ALK: variants seen among roughly 807,000 people sequenced by gnomAD.
The protein encoded by ALK is ALK receptor tyrosine kinase, also known as ALK tyrosine kinase receptor.
Under a neutral mutation model 163.1 loss-of-function variants are expected in ALK, and 74 were observed. The observed-to-expected ratio is 0.45, with a 90% CI of 0.38 to 0.55. The LOEUF (loss-of-function observed/expected upper bound fraction) is 0.55, where lower values mean the gene tolerates loss of function less well. ALK is among the 20% of genes least tolerant of loss of function. The pLI is 0.00. For synonymous variants in ALK, 960 were observed against 843.2 expected, an observed-to-expected ratio of 1.14 and a Z score of -2.40; for missense variants, 2,063 against 2,105.3, an observed-to-expected ratio of 0.98 and a Z score of 0.39.
In ALK at chr2:29,228,917, A is replaced by ACCCCCCACCCCC; in HGVS notation, c.2781_2782insGGGGGTGGGGGG (p.Gly924_Gly927dup). The ACCCCCCACCCCC allele has an allele frequency of 7.3e-7, 1 of 1,374,998 alleles. No homozygotes were observed. Among genetic ancestry groups the ACCCCCCACCCCC allele is most frequent in the Non-Finnish European group, 1.0e-6 (1 of 975,734 alleles). 85.2% of individuals were successfully genotyped at this position (1,374,998 alleles called of 1,614,324 possible). On this transcript the variant is annotated inframe_insertion, in exon 16 of 29. Coordinates refer to ENST00000389048, the MANE Select transcript of ALK (RefSeq NM_004304.5). Reference sequence around the variant, plus strand: ...CCTCCGCCTCCTCCACCTGAGGAGCACCCCCCTCCACCCCCTCCGAAACCC... The same window carrying ACCCCCCACCCCC: ...CCTCCGCCTCCTCCACCTGAGGAGCACCCCCCACCCCCCCCCCCTCCACCCCCTCCGAAACCC...
chr2:29,674,169 C>T (rs1278364004), intron 3 of ALK, among the ~76,000 whole-genome samples: 6 of 151,768 alleles, frequency 4.0e-5, no homozygotes, highest in African/African-American at 1.5e-4. Context: ...CCTTTATTTC[C>T]TTCACCTGCC....
intron 1 of ALK, among the ~76,000 whole-genome samples, chr2:29,885,466 T>C (rs958172736): frequency 5.3e-5 from 8 of 151,902 alleles, no homozygotes; most frequent in African/African-American, 1.9e-4. Flanking sequence ...CCCAAAACAA[T>C]CAATTCCTGC....
At chr2:29,434,382 C>T (rs763786000) in intron 4 of ALK, among the ~76,000 whole-genome samples, 8 of 152,168 alleles carry the variant, frequency 5.3e-5, no homozygotes, top group Non-Finnish European at 2.9e-5. Flanking sequence ...CACTCCCACG[C>T]CTGCTTTGTC....
Position 29,297,096 on chromosome 2 carries a change from G to T in ALK, c.1648-39C>A, listed in dbSNP as rs370588729. ...AAGAGTCAGAGGACAAGGTATGATT[G>T]CTGAAAGGTCCCCTTTCTGGAATTC... On this transcript the variant is annotated intron_variant, in intron 8 of 28. Transcript: ENST00000389048. 3 of 1,613,054 alleles carry T rather than the reference G, an allele frequency of 1.9e-6. No individual in the cohort carries two copies. In the African/African-American group the frequency reaches 4.0e-5, roughly 22 times the overall value.
intron 13 of ALK, among the ~76,000 whole-genome samples, chr2:29,235,472 T>C (rs1664349171): frequency 6.6e-6 from 1 of 152,012 alleles, no homozygotes; most frequent in South Asian, 2.1e-4. Flanking sequence ...GTGGATCTAG[T>C]GTGGGTGGAA....
At chr2:29,583,553 T>C (rs571175255) in intron 3 of ALK, among the ~76,000 whole-genome samples, 9 of 151,960 alleles carry the variant, frequency 5.9e-5, no homozygotes, top group Non-Finnish European at 1.2e-4. Flanking sequence ...TCTCAGTTTC[T>C]GGACTTTTAA....
chr2:29,207,078 C>T (rs2148151659), intron 26 of ALK, 93 bp downstream of exon 26: 1 of 959,372 alleles, frequency 1.0e-6, no homozygotes, highest in Non-Finnish European at 1.7e-6. Context: ...TCCCTACTAA[C>T]ACACGGGCTC....
At chr2:29,487,398 C>T (rs1192332082) in intron 4 of ALK, among the ~76,000 whole-genome samples, 2 of 152,140 alleles carry the variant, frequency 1.3e-5, no homozygotes, top group Non-Finnish European at 2.9e-5. Context: ...TCACTCTAGA[C>T]AATAAGGAGA....
chr2:29,831,960 T>C (rs1398241958), intron 1 of ALK, among the ~76,000 whole-genome samples: 2 of 152,206 alleles, frequency 1.3e-5, no homozygotes, highest in Non-Finnish European at 2.9e-5. Context: ...GTTCTCCAAC[T>C]GGGTATGGTC....
chr2:29,197,448 C>G, intron 27 of ALK, 94 bp downstream of exon 27: 3 of 1,574,484 alleles, frequency 1.9e-6, no homozygotes, highest in Non-Finnish European at 2.6e-6. Flanking sequence ...AGCCATCTGC[C>G]CCTTCATCTT....
At chr2:29,612,075 G>A (rs1188457293) in intron 3 of ALK, among the ~76,000 whole-genome samples, 1 of 152,172 alleles carries the variant, frequency 6.6e-6, no homozygotes, top group African/African-American at 2.4e-5. Context: ...GGGCCTGGAA[G>A]TGGCCGACTT....
intron 3 of ALK, among the ~76,000 whole-genome samples, chr2:29,543,332 G>C (rs565564316): frequency 6.6e-6 from 1 of 152,196 alleles, no homozygotes. Context: ...TTAAACAGGA[G>C]AGACTAGGGA....
intron 4 of ALK, among the ~76,000 whole-genome samples, chr2:29,509,911 C>T (rs772303294): frequency 6.6e-6 from 1 of 152,080 alleles, no homozygotes; most frequent in African/African-American, 2.4e-5. Context: ...CAATTGTGAT[C>T]TGTTTGTGGT....
At chr2:29,643,728 C>T (rs573458995) in intron 3 of ALK, among the ~76,000 whole-genome samples, 1 of 152,206 alleles carries the variant, frequency 6.6e-6, no homozygotes, top group South Asian at 2.1e-4. Flanking sequence ...CTATAACAAT[C>T]GAAATCTAGT....
At chr2:29,713,836 T>C (rs377646823) in intron 2 of ALK, among the ~76,000 whole-genome samples, 69 of 151,980 alleles carry the variant, frequency 4.5e-4, no homozygotes, top group Non-Finnish European at 8.7e-4. Flanking sequence ...TTGCAATGTA[T>C]CATGTTTTTT....
chr2:29,557,270 A>T (rs1283135218), intron 3 of ALK, among the ~76,000 whole-genome samples: 1 of 152,208 alleles, frequency 6.6e-6, no homozygotes, highest in Non-Finnish European at 1.5e-5. Context: ...GCAGATAATC[A>T]AGTAGCACAT....
intron 1 of ALK, among the ~76,000 whole-genome samples, chr2:29,888,544 C>T (rs529640245): frequency 6.2e-4 from 94 of 152,204 alleles, no homozygotes; most frequent in Non-Finnish European, 1.3e-3. Context: ...TTCCAGCTAC[C>T]GAACCAGCTT....
In ALK at chr2:29,920,660, C is replaced by T. The variant is rs1256617432; in HGVS notation, c.-1G>A. Reference sequence around the variant, plus strand: ...GCCACAGGAGCCCGATGGCTCCCATCCCGCCGGAGGAGGCCGTTTACACTG... The same window carrying T: ...GCCACAGGAGCCCGATGGCTCCCATTCCGCCGGAGGAGGCCGTTTACACTG... On this transcript the variant is annotated 5_prime_UTR_variant, in exon 1 of 29. Coordinates refer to ENST00000389048, the MANE Select transcript of ALK (RefSeq NM_004304.5). The T allele has an allele frequency of 6.5e-7, 1 of 1,535,468 alleles. No homozygotes were observed. Among genetic ancestry groups the T allele is most frequent in the Non-Finnish European group, 8.7e-7 (1 of 1,147,820 alleles).
chr2:29,537,666 C>A (rs1173403283), intron 3 of ALK, among the ~76,000 whole-genome samples: 1 of 152,226 alleles, frequency 6.6e-6, no homozygotes, highest in Non-Finnish European at 1.5e-5. Context: ...GGGAAGGGGG[C>A]TGCTGCCTTC....
Sources: allele counts gnomAD v4.1 joint callset (sites outside exome capture counted in the v4.1 genomes callset), GRCh38; gene constraint gnomAD v4.1.1; transcripts MANE v1.5; gene names NCBI Gene and HGNC (gene_info 2026-07-23, HGNC 2026-07-21).